ATP10B: variants seen among roughly 807,000 people sequenced by gnomAD.
ATP10B encodes the protein ATPase phospholipid transporting 10B (putative), also known as phospholipid-transporting ATPase VB.
ATP10B carries 122 observed loss-of-function variants against 141.2 expected under a neutral mutation model. The ratio of observed to expected loss-of-function variants is 0.86; its 90% CI spans 0.75 to 1.00. The LOEUF (loss-of-function observed/expected upper bound fraction) is 1.00, where lower values mean the gene tolerates loss of function less well. Among genes scored for constraint, ATP10B ranks in the 50% least tolerant of loss-of-function variants. The pLI is 0.00. For missense variants in ATP10B, 1,876 were observed against 1,825.3 expected (o/e 1.03, Z -0.51); for synonymous variants, 685 against 692.0 (o/e 0.99, Z 0.16).
chr5:160,653,184 T>C (rs1034086698), intron 7 of ATP10B, among the ~76,000 whole-genome samples: 1 of 133,696 alleles, frequency 7.5e-6, no homozygotes, highest in South Asian at 2.2e-4. Flanking sequence ...TACAATATAT[T>C]ATATATACAA....
intron 1 of ATP10B, among the ~76,000 whole-genome samples, chr5:160,801,883 G>A (rs1772389493): frequency 6.6e-6 from 1 of 152,166 alleles, no homozygotes; most frequent in African/African-American, 2.4e-5. Flanking sequence ...CTGGAGGTGG[G>A]AACAATGCCT....
At chr5:160,866,087 CATT>C in the ATP10B span, among the ~76,000 whole-genome samples, 1 of 151,782 alleles carries the variant, frequency 6.6e-6, no homozygotes, top group East Asian at 1.9e-4. Context: ...GAAAAGAAGT[CATT>C]ATATGAAAAT....
chr5:160,781,995 C>T (rs1770749754), intron 2 of ATP10B, among the ~76,000 whole-genome samples: 1 of 152,058 alleles, frequency 6.6e-6, no homozygotes, highest in Admixed American at 6.6e-5. Context: ...TATGGTTCTA[C>T]ATTTCAATTG....
At chr5:160,630,686 G>C (rs559382084) in intron 13 of ATP10B, among the ~76,000 whole-genome samples, 1 of 152,038 alleles carries the variant, frequency 6.6e-6, no homozygotes, top group Non-Finnish European at 1.5e-5. Context: ...TTATTATCTC[G>C]TTTGGGAAAA....
At chr5:160,798,744 A>ATTTTTTTTTT (rs35866347) in intron 1 of ATP10B, among the ~76,000 whole-genome samples, 1 of 102,502 alleles carries the variant, frequency 9.8e-6, no homozygotes, top group African/African-American at 3.6e-5. Context: ...CTTTTTCTCT[A>ATTTTTTTTTT]TTTTTTTTTT....
At chr5:160,747,150 G>A (rs1767859275) in intron 2 of ATP10B, among the ~76,000 whole-genome samples, 1 of 152,168 alleles carries the variant, frequency 6.6e-6, no homozygotes, top group African/African-American at 2.4e-5. Flanking sequence ...CTTATCCAGG[G>A]CATGTACTCC....
intron 18 of ATP10B, chr5:160,612,396 G>A (rs774013720): frequency 4.4e-5 from 8 of 180,426 alleles, no homozygotes; most frequent in Non-Finnish European, 9.3e-5. Context: ...GAAATAAGCA[G>A]GGTAAACCTG....
At chr5:160,572,984 G>A (rs188435989) in intron 24 of ATP10B, among the ~76,000 whole-genome samples, 53 of 152,272 alleles carry the variant, frequency 3.5e-4, no homozygotes, top group African/African-American at 1.0e-3. Flanking sequence ...TTTCATACAC[G>A]TGTACATGTT....
intron 1 of ATP10B, among the ~76,000 whole-genome samples, chr5:160,819,131 T>C (rs906629343): frequency 6.6e-6 from 1 of 152,060 alleles, no homozygotes; most frequent in African/African-American, 2.4e-5. Context: ...ACATGTACCC[T>C]AAAATTTAAA....
rs567535436 is a variant in ATP10B at position 160,643,995 on chromosome 5, G to A, written c.868+143C>T. On this transcript the variant is annotated intron_variant, in intron 9 of 25. Transcript: ENST00000327245. ...TGAACTGCTGTGATTCCCAGCCTCC[G>A]TTTGCTTAGTTGAGAAATGGGAAGT... 1.9e-4 allele frequency: 128 copies of A among 659,714 alleles called. 1 individual carries two copies. Among genetic ancestry groups the A allele is most frequent in the African/African-American group, 1.2e-3 (66 of 55,616 alleles). The allele number at this position is 659,714 out of a possible 1,614,324, so 40.9% of individuals were successfully genotyped here. A position where few individuals can be genotyped will look rare whatever the true frequency, so the allele number is the denominator to read the frequency against.
intron 1 of ATP10B, among the ~76,000 whole-genome samples, chr5:160,802,942 G>A (rs1561870109): frequency 6.6e-6 from 1 of 152,112 alleles, no homozygotes; most frequent in Non-Finnish European, 1.5e-5. Context: ...GGAGATAATT[G>A]GGGGACAACA....
intron 1 of ATP10B, among the ~76,000 whole-genome samples, chr5:160,786,114 T>C (rs1230632248): frequency 6.6e-6 from 1 of 152,182 alleles, no homozygotes; most frequent in Non-Finnish European, 1.5e-5. Flanking sequence ...TTCATCTTTT[T>C]TGTCACATTG....
intron 3 of ATP10B, among the ~76,000 whole-genome samples, chr5:160,709,768 A>AC (rs1232435826): frequency 2.6e-5 from 2 of 77,012 alleles, no homozygotes; most frequent in Non-Finnish European, 5.0e-5. Context: ...CCCTCCCCCG[A>AC]CCCCACCACA....
intron 22 of ATP10B, among the ~76,000 whole-genome samples, chr5:160,596,556 G>A (rs1756708196): frequency 6.9e-6 from 1 of 145,174 alleles, no homozygotes; most frequent in Non-Finnish European, 1.5e-5. Flanking sequence ...AATTAGGCAG[G>A]AGAAGGAAAT....
At chr5:160,651,063 T>C (rs1364298994) in intron 7 of ATP10B, among the ~76,000 whole-genome samples, 1 of 152,218 alleles carries the variant, frequency 6.6e-6, no homozygotes, top group Admixed American at 6.5e-5. Context: ...GACACTTATT[T>C]CTGCCAGACA....
At chr5:160,717,423 T>A (rs1765725252) in intron 2 of ATP10B, among the ~76,000 whole-genome samples, 2 of 152,224 alleles carry the variant, frequency 1.3e-5, no homozygotes, top group African/African-American at 4.8e-5. Flanking sequence ...TTTTTCTGTC[T>A]CAATTTTCTC....
In ATP10B at chr5:160,564,793, C is replaced by T. The variant is rs1370657749; in HGVS notation, c.*660G>A. 1.3e-5 allele frequency: 2 copies of T among 152,242 alleles called. No homozygotes were observed. The highest frequency in any genetic ancestry group is 2.9e-5 in the Non-Finnish European group (2 of 68,134). The allele number at this position is 152,242 out of a possible 1,614,324, so 9.4% of individuals were successfully genotyped here. A position where few individuals can be genotyped will look rare whatever the true frequency, so the allele number is the denominator to read the frequency against. ...CCTTTTGCATGTCTATTCTTCATGC[C>T]TCTTACACTAGCTGTGACCCTAAAA... On this transcript the variant is annotated 3_prime_UTR_variant, in exon 26 of 26. Transcript: ENST00000327245.
intron 1 of ATP10B, among the ~76,000 whole-genome samples, chr5:160,840,219 C>T (rs963185880): frequency 6.6e-6 from 1 of 151,876 alleles, no homozygotes; most frequent in Non-Finnish European, 1.5e-5. Flanking sequence ...TATTGACAAG[C>T]TTTCTTGTCA....
chr5:160,766,317 A>G (rs1769406571), intron 2 of ATP10B, among the ~76,000 whole-genome samples: 1 of 149,286 alleles, frequency 6.7e-6, no homozygotes, highest in Non-Finnish European at 1.5e-5. Flanking sequence ...ATGTCCACCA[A>G]TCAATGAGTG....
Sources: gnomAD v4.1 joint callset for allele counts (sites outside exome capture counted in the v4.1 genomes callset) on GRCh38, gnomAD v4.1.1 for gene constraint, MANE v1.5 for transcripts, NCBI Gene and HGNC (gene_info 2026-07-23, HGNC 2026-07-21) for gene names.